The following PCDHGB4 variants were observed in gnomAD, a reference collection of about 807,000 sequenced individuals.
PCDHGB4 encodes the protein protocadherin gamma subfamily B, 4, also known as protocadherin gamma-B4.
Under a neutral mutation model 60.5 loss-of-function variants are expected in PCDHGB4, and 38 were observed. The ratio of observed to expected loss-of-function variants is 0.63; its 90% confidence interval spans 0.48 to 0.82. The LOEUF (loss-of-function observed/expected upper bound fraction) is 0.82. Ranked by LOEUF, PCDHGB4 falls within the 40% of genes least tolerant of loss-of-function variation. The pLI, the probability that PCDHGB4 is intolerant of heterozygous loss-of-function variation, is 0.00. For synonymous variants in PCDHGB4, 456 were observed against 509.7 expected (o/e 0.89, Z 1.42); for missense variants, 1,109 against 1,209.6 (o/e 0.92, Z 1.23).
rs376001893 is a variant in PCDHGB4 at position 141,388,827 on chromosome 5, A to T, written c.943A>T (p.Ile315Leu). 2.5e-6 allele frequency: 4 copies of T among 1,614,024 alleles called. No homozygotes were observed. The highest frequency in any genetic ancestry group is 2.5e-6 in the Non-Finnish European group (3 of 1,179,880). The change falls in exon 1 of 4, where the codon ATA becomes TTA. Residue 315 changes from isoleucine (I) to leucine (L), a missense_variant. By Grantham distance (5) the Ile-to-Leu change is conservative. Around this residue, in one of 2 missense-constraint regions of PCDHGB4, gnomAD observed 1,068 missense variants for 1,089.9 expected, o/e 0.98. Coordinates refer to ENST00000519479, the MANE Select transcript of PCDHGB4 (RefSeq NM_003736.4). ...TTTTGAAGAAGTCAAAGAATATTCC[A>T]TAGTTTTGGAAGCAAGGGACGGTGG... The part of the protein sequence containing the change: ...LDFEEVKEYS[I>L]VLEARDGGGM...
chr5:141,421,118 T>C (rs572827470), intron 1 of PCDHGB4: 2 of 771,948 alleles, frequency 2.6e-6, no homozygotes, highest in Non-Finnish European at 2.0e-6. Context: ...GTATTTTCCT[T>C]CGCTTTCTGA....
chr5:141,510,613 C>T (rs559713771), intron 3 of PCDHGB4, among the ~76,000 whole-genome samples: 17 of 152,298 alleles, frequency 1.1e-4, no homozygotes, highest in Admixed American at 2.0e-4. Context: ...TTAGCATTCA[C>T]TAAAACCAGA....
At chr5:141,422,201 G>A in intron 1 of PCDHGB4, 1 of 1,562,386 alleles carries the variant, frequency 6.4e-7, no homozygotes, top group Non-Finnish European at 8.6e-7. Context: ...GGCCAAGATG[G>A]TGGAGGTCTC....
chr5:141,410,712 T>C (rs776042818), intron 1 of PCDHGB4: 2 of 1,437,800 alleles, frequency 1.4e-6, no homozygotes, highest in Non-Finnish European at 1.9e-6. Context: ...TCTAGAATCA[T>C]ATGTTTAAAA....
At chr5:141,399,785 A>G (rs748714301) in intron 1 of PCDHGB4, 6 of 1,613,294 alleles carry the variant, frequency 3.7e-6, no homozygotes, top group South Asian at 1.1e-5. Context: ...GACCGAAACG[A>G]CAACGCACCG....
chr5:141,408,597 A>G (rs1389452276), intron 1 of PCDHGB4: 1 of 1,614,042 alleles, frequency 6.2e-7, no homozygotes, highest in Non-Finnish European at 8.5e-7. Context: ...CACGCCCCTC[A>G]ATTTGATAAA....
chr5:141,485,663 A>G lies in PCDHGB4; in HGVS notation c.2398-9144A>G, dbSNP rs1594506698. ...AAAGGCTCAGGATGCAGATGTGGGG[A>G]GCAATTCGATTAGCAGCTATAGGCT... On this transcript the variant is annotated intron_variant, in intron 1 of 3. Transcript: ENST00000519479. The surrounding 1 kb of genome is among the most constrained non-coding windows in gnomAD (Gnocchi z 5.7). The G allele has an allele frequency of 1.2e-6, 2 of 1,612,638 alleles. No homozygotes were observed. Among genetic ancestry groups the G allele is most frequent in the East Asian group, 4.5e-5 (2 of 44,840 alleles).
Position 141,485,979 on chromosome 5 carries a change from C to T in PCDHGB4, c.2398-8828C>T. ...CTCATCCAGCTCAATGCCTCAGACC[C>T]GGACCTGGGTCCCAGTGGTAACGTC... is the stretch of plus-strand genomic sequence containing the variant. On this transcript the variant is annotated intron_variant, in intron 1 of 3. Coordinates refer to ENST00000519479, the MANE Select transcript of PCDHGB4 (RefSeq NM_003736.4). The surrounding 1 kb of genome is among the most constrained non-coding windows in gnomAD (Gnocchi z 5.7). The T allele has an allele frequency of 1.2e-6, 2 of 1,614,182 alleles. No individual in the cohort carries two copies. The highest frequency in any genetic ancestry group is 1.7e-6 in the Non-Finnish European group (2 of 1,180,022).
chr5:141,418,908 C>G, intron 1 of PCDHGB4: 3 of 1,613,932 alleles, frequency 1.9e-6, no homozygotes, highest in Non-Finnish European at 2.5e-6. Flanking sequence ...ATAATCATCA[C>G]GTCACTCTCT....
At chr5:141,403,276 C>T (rs1331205396) in intron 1 of PCDHGB4, 3 of 1,613,844 alleles carry the variant, frequency 1.9e-6, no homozygotes, top group Non-Finnish European at 2.5e-6. Context: ...ACTTTAAAGT[C>T]CTGGTTGAAG....
Position 141,476,562 on chromosome 5 carries a change from C to G in PCDHGB4, c.2398-18245C>G. 1 of 1,614,218 alleles carries G rather than the reference C, an allele frequency of 6.2e-7. No individual in the cohort carries two copies. The highest frequency in any genetic ancestry group is 1.1e-5 in the South Asian group (1 of 91,088). On this transcript the variant is annotated intron_variant, in intron 1 of 3. Transcript: ENST00000519479. This position sits in a 1 kb window ranked among gnomAD's most constrained non-coding sequence, Gnocchi z 7.6. The stretch of plus-strand genomic sequence containing the variant: ...AAATTGGAGATTAGCGAGGCCGTGG[C>G]TCCGGGGACGCGCTTTCCGCTCGAG...
rs749086929 is a variant in PCDHGB4, at chr5:141,485,998, T to A, written c.2398-8809T>A. ...CAGACCCGGACCTGGGTCCCAGTGG[T>A]AACGTCACCTTTTATTTCAGTGGTC... On this transcript the variant is annotated intron_variant, in intron 1 of 3. Transcript: ENST00000519479. The surrounding 1 kb of genome is among the most constrained non-coding windows in gnomAD (Gnocchi z 5.7). 2.4e-5 allele frequency: 38 copies of A among 1,614,068 alleles called. No individual in the cohort carries two copies. Among genetic ancestry groups the A allele is most frequent in the Non-Finnish European group, 3.1e-5 (37 of 1,180,046 alleles).
intron 1 of PCDHGB4, chr5:141,402,899 G>A: frequency 6.6e-7 from 1 of 1,516,814 alleles, no homozygotes; most frequent in Non-Finnish European, 8.8e-7. Context: ...GAAAGAACCT[G>A]ATGAAGCAGC....
At chr5:141,462,823 G>A (rs1420321501) in intron 1 of PCDHGB4, among the ~76,000 whole-genome samples, 1 of 152,170 alleles carries the variant, frequency 6.6e-6, no homozygotes, top group African/African-American at 2.4e-5. Flanking sequence ...TTGGACAGCA[G>A]ACATTGTAAA....
rs146719320 is a variant in PCDHGB4, at chr5:141,444,557, A to T, written c.2398-50250A>T. ...TGTGTCTAGTGAGCAAAAGGCACTTATTTGACACTTTTGACTCTTCCTTTC... is the reference window on the plus strand; with the variant it reads ...TGTGTCTAGTGAGCAAAAGGCACTTTTTTGACACTTTTGACTCTTCCTTTC... On this transcript the variant is annotated intron_variant, in intron 1 of 3. Transcript: ENST00000519479. Among the ~76,000 whole-genome samples, 1,352 of 152,248 alleles carry T rather than the reference A, an allele frequency of 8.9e-3. 18 individuals carry two copies. The highest frequency in any genetic ancestry group is 0.031 in the African/African-American group (1,277 of 41,558).
intron 1 of PCDHGB4, among the ~76,000 whole-genome samples, chr5:141,433,573 C>T (rs1400327372): frequency 1.3e-5 from 2 of 152,046 alleles, no homozygotes; most frequent in Admixed American, 1.3e-4. Flanking sequence ...CGGTGGCTCA[C>T]GCCTGTAATC....
chr5:141,485,274 C>T lies in PCDHGB4; in HGVS notation c.2398-9533C>T. On this transcript the variant is annotated intron_variant, in intron 1 of 3. Transcript: ENST00000519479. The surrounding 1 kb of genome is among the most constrained non-coding windows in gnomAD (Gnocchi z 5.7). Reference sequence around the variant, plus strand: ...TACGTTTGTGGGCAGATCCGCTACCCGGTCCCAGAGGAGTCACAGGAAGGG... The same window carrying T: ...TACGTTTGTGGGCAGATCCGCTACCTGGTCCCAGAGGAGTCACAGGAAGGG... The T allele has an allele frequency of 6.2e-7, 1 of 1,614,106 alleles. No individual in the cohort carries two copies. Among genetic ancestry groups the T allele is most frequent in the South Asian group, 1.1e-5 (1 of 91,086 alleles).
intron 1 of PCDHGB4, among the ~76,000 whole-genome samples, chr5:141,406,263 TC>T (rs1163660392): frequency 3.9e-5 from 6 of 151,964 alleles, no homozygotes; most frequent in Non-Finnish European, 8.8e-5. Flanking sequence ...CAAACGATCT[TC>T]CTGCTTCAGT....
Position 141,393,633 on chromosome 5 carries a change from A to G in PCDHGB4, c.2397+3352A>G, listed in dbSNP as rs376168054. The stretch of plus-strand genomic sequence containing the variant: ...AGCCAGCGACCCGGATGAGGGAATC[A>G]ACGGAAAAGTGGCATACAAATTCCG... On this transcript the variant is annotated intron_variant, in intron 1 of 3. Transcript: ENST00000519479. 8 of 1,613,854 alleles carry G rather than the reference A, an allele frequency of 5.0e-6. No homozygotes were observed. The highest frequency in any genetic ancestry group is 1.3e-5 in the African/African-American group (1 of 74,956).
Sources: gnomAD v4.1 joint callset for allele counts (sites outside exome capture counted in the v4.1 genomes callset) on GRCh38, gnomAD v4.1.1 for gene constraint, gnomAD v4.1.1 regional missense constraint, Gnocchi (gnomAD v3.1) non-coding constraint, MANE v1.5 for transcripts, NCBI Gene and HGNC (gene_info 2026-07-23, HGNC 2026-07-21) for gene names.